CNN3: variants seen among roughly 807,000 people sequenced by gnomAD.
The protein encoded by CNN3 is calponin 3.
Under a neutral mutation model 39.0 loss-of-function variants are expected in CNN3, and 11 were observed. That is an observed-to-expected ratio of 0.28 (90% CI 0.18 to 0.47). CNN3 has a LOEUF of 0.47. CNN3 is among the 20% of genes least tolerant of loss of function. The probability of loss-of-function intolerance (pLI) is 0.99; values close to 1 mark genes in which losing one functional copy is unlikely to be tolerated. For missense variants in CNN3, 266 were observed against 403.4 expected, an observed-to-expected ratio of 0.66 and a Z score of 2.92; for synonymous variants, 101 against 138.3, an observed-to-expected ratio of 0.73 and a Z score of 1.89.
chr1:94,927,041 G>C lies in CNN3; in HGVS notation c.-147C>G. ...GCGCAGGAGACGGCCGCGGGGCGCG[G>C]GCGGTGCCTGGGCGACTGGGTCCAA... On this transcript the variant is annotated 5_prime_UTR_variant, in exon 1 of 7. Coordinates refer to ENST00000370206, the MANE Select transcript of CNN3 (RefSeq NM_001839.5). 1.2e-6 allele frequency: 1 copy of C among 804,102 alleles called. No individual in the cohort carries two copies. The highest frequency in any genetic ancestry group is 2.9e-5 in the Admixed American group (1 of 34,830). The allele number at this position is 804,102 out of a possible 1,614,324, so 49.8% of individuals were successfully genotyped here.
Position 94,927,047 on chromosome 1 carries a change from G to A in CNN3, c.-153C>T. 1 of 765,846 alleles carries A rather than the reference G, an allele frequency of 1.3e-6. No individual in the cohort carries two copies. Among genetic ancestry groups the A allele is most frequent in the East Asian group, 3.0e-5 (1 of 33,350 alleles). 47.4% of individuals were successfully genotyped at this position (765,846 alleles called of 1,614,324 possible). A position where few individuals can be genotyped will look rare whatever the true frequency, so the allele number is the denominator to read the frequency against. ...GAGACGGCCGCGGGGCGCGGGCGGT[G>A]CCTGGGCGACTGGGTCCAACTGGGT... On this transcript the variant is annotated 5_prime_UTR_variant, in exon 1 of 7. Transcript: ENST00000370206.
rs1000274083 is a variant in CNN3, at chr1:94,897,685, C to T, written c.*57G>A. ...CAAGATAAAAATTACTCAAGGCTAG[C>T]TTGGTTCTCACTGAATAAAAACAAA... On this transcript the variant is annotated 3_prime_UTR_variant, in exon 7 of 7. Coordinates refer to ENST00000370206, the MANE Select transcript of CNN3 (RefSeq NM_001839.5). The T allele has an allele frequency of 2.0e-6, 3 of 1,480,224 alleles. No individual in the cohort carries two copies. Among genetic ancestry groups the T allele is most frequent in the Non-Finnish European group, 1.9e-6 (2 of 1,076,086 alleles). 91.7% of individuals were successfully genotyped at this position (1,480,224 alleles called of 1,614,324 possible).
At chr1:94,908,075 C>G (rs1671055996) in intron 1 of CNN3, among the ~76,000 whole-genome samples, 1 of 152,166 alleles carries the variant, frequency 6.6e-6, no homozygotes. Context: ...TGCCTGACAG[C>G]CTTCTTTGCA....
intron 1 of CNN3, among the ~76,000 whole-genome samples, chr1:94,912,572 CT>C (rs1671192828): frequency 6.6e-6 from 1 of 152,212 alleles, no homozygotes; most frequent in Non-Finnish European, 1.5e-5. Flanking sequence ...CCAAGAACAC[CT>C]GCCCATGTCC....
intron 3 of CNN3, among the ~76,000 whole-genome samples, chr1:94,902,502 T>C (rs185938127): frequency 1.8e-4 from 28 of 152,342 alleles, no homozygotes; most frequent in African/African-American, 6.7e-4. Flanking sequence ...TTTTCAGTTT[T>C]TATGGGCAAG....
At chr1:94,910,017 A>G (rs1254237760) in intron 1 of CNN3, among the ~76,000 whole-genome samples, 1 of 152,124 alleles carries the variant, frequency 6.6e-6, no homozygotes, top group Non-Finnish European at 1.5e-5. Context: ...CTCACAATGT[A>G]TTATCATCAC....
At chr1:94,903,861 T>A (rs1670933052) in intron 1 of CNN3, among the ~76,000 whole-genome samples, 1 of 152,192 alleles carries the variant, frequency 6.6e-6, no homozygotes, top group African/African-American at 2.4e-5. Flanking sequence ...AACTTTAAGG[T>A]TTAAGTCATT....
Position 94,927,072 on chromosome 1 carries a change from T to A in CNN3, c.-178A>T. On this transcript the variant is annotated 5_prime_UTR_variant, in exon 1 of 7. Coordinates refer to ENST00000370206, the MANE Select transcript of CNN3 (RefSeq NM_001839.5). ...GCCTGGGCGACTGGGTCCAACTGGG[T>A]GCTACAGAGCCTCGAGCTCCGCTGC... is the stretch of plus-strand genomic sequence containing the variant. 1 of 593,362 alleles carries A rather than the reference T, an allele frequency of 1.7e-6. No individual in the cohort carries two copies. Among genetic ancestry groups the A allele is most frequent in the Non-Finnish European group, 2.9e-6 (1 of 346,660 alleles). 36.8% of individuals were successfully genotyped at this position (593,362 alleles called of 1,614,324 possible). A position where few individuals can be genotyped will look rare whatever the true frequency, so the allele number is the denominator to read the frequency against.
At chr1:94,901,567 C>A in intron 5 of CNN3, 102 bp downstream of exon 5, 1 of 739,134 alleles carries the variant, frequency 1.4e-6, no homozygotes, top group South Asian at 1.7e-5. Flanking sequence ...CCCCCCAGTA[C>A]TATAGTACTT....
chr1:94,897,924 G>A lies in CNN3; in HGVS notation c.808C>T (p.Pro270Ser), dbSNP rs937836322. The A allele has an allele frequency of 2.5e-6, 4 of 1,613,946 alleles. No homozygotes were observed. The highest frequency in any genetic ancestry group is 2.7e-5 in the African/African-American group (2 of 74,880). Residue 270 changes from proline to serine, a missense_variant, in exon 7 of 7, where the codon CCC becomes TCC. Physicochemically the swap from Pro to Ser is moderately conservative, Grantham distance 74 (BLOSUM62 -1). Transcript: ENST00000370206. ...VYGLGRQVYD[P>S]KYCAAPTEPV... ...TCTGTAGGAGCAGCACAGTATTTGGGATCATATACTTGCCGCCCAAGCCCA... is the reference window on the plus strand; with the variant it reads ...TCTGTAGGAGCAGCACAGTATTTGGAATCATATACTTGCCGCCCAAGCCCA...
intron 1 of CNN3, among the ~76,000 whole-genome samples, chr1:94,925,239 T>TG (rs1478201823): frequency 1.3e-5 from 2 of 152,140 alleles, no homozygotes; most frequent in African/African-American, 4.8e-5. Flanking sequence ...CAAGAATCAC[T>TG]GGGGGGAATT....
intron 1 of CNN3, among the ~76,000 whole-genome samples, chr1:94,915,982 C>T (rs577975478): frequency 1.3e-5 from 2 of 152,328 alleles, no homozygotes; most frequent in East Asian, 3.9e-4. Flanking sequence ...GCTTTGCCCC[C>T]ACACACCATC....
chr1:94,922,295 C>A (rs1322360866), intron 1 of CNN3, among the ~76,000 whole-genome samples: 2 of 152,238 alleles, frequency 1.3e-5, no homozygotes, highest in African/African-American at 4.8e-5. Flanking sequence ...CCTTCAAAAT[C>A]ATCACACTTG....
chr1:94,916,875 T>C (rs748334252), intron 1 of CNN3, among the ~76,000 whole-genome samples: 2 of 152,236 alleles, frequency 1.3e-5, no homozygotes, highest in Non-Finnish European at 2.9e-5. Context: ...TGTCAACACT[T>C]ATCCTTCCAT....
At chr1:94,916,630 T>G (rs1268717341) in intron 1 of CNN3, among the ~76,000 whole-genome samples, 1 of 152,174 alleles carries the variant, frequency 6.6e-6, no homozygotes, top group Non-Finnish European at 1.5e-5. Context: ...CTCAGTACCC[T>G]CTCGTCTTGA....
intron 1 of CNN3, among the ~76,000 whole-genome samples, chr1:94,919,011 G>A (rs143175431): frequency 1.3e-5 from 2 of 152,200 alleles, no homozygotes; most frequent in East Asian, 3.9e-4. Flanking sequence ...TTTTTTGAAG[G>A]TGATGTAAGA....
At chr1:94,916,545 C>G (rs1240098493) in intron 1 of CNN3, among the ~76,000 whole-genome samples, 1 of 152,184 alleles carries the variant, frequency 6.6e-6, no homozygotes, top group Non-Finnish European at 1.5e-5. Flanking sequence ...GGAGGGCCCT[C>G]TAATCTCTCC....
In CNN3 at chr1:94,908,369, G is replaced by T. The variant is rs561351445; in HGVS notation, c.58-4845C>A. 1.9e-4 allele frequency among the ~76,000 whole-genome samples: 29 copies of T among 152,296 alleles called. 1 individual carries two copies. Among genetic ancestry groups the T allele is most frequent in the Admixed American group, 1.8e-3 (27 of 15,296 alleles). On this transcript the variant is annotated intron_variant, in intron 1 of 6. Transcript: ENST00000370206. ...CAGGGCTCATCCTGTTGTGGTCGTGGTGGCGGCTTCAGCCCTTAGAGCTTC... is the reference window on the plus strand; with the variant it reads ...CAGGGCTCATCCTGTTGTGGTCGTGTTGGCGGCTTCAGCCCTTAGAGCTTC...
chr1:94,911,828 G>A (rs902422154), intron 1 of CNN3, among the ~76,000 whole-genome samples: 2 of 152,154 alleles, frequency 1.3e-5, no homozygotes, highest in African/African-American at 4.8e-5. Context: ...CCAGCACTTT[G>A]GGAGGCCGAG....
Sources: allele counts gnomAD v4.1 joint callset (sites outside exome capture counted in the v4.1 genomes callset), GRCh38; gene constraint gnomAD v4.1.1; transcripts MANE v1.5; gene names NCBI Gene and HGNC (gene_info 2026-07-23, HGNC 2026-07-21).